Variants in ANKRD33B observed in about 807,000 individuals in gnomAD.
The protein encoded by ANKRD33B is ankyrin repeat domain 33B.
Under a neutral mutation model 21.5 loss-of-function variants are expected in ANKRD33B, and 6 were observed. That is an observed-to-expected ratio of 0.28 (90% CI 0.15 to 0.55). The LOEUF is 0.55. Ranked by LOEUF, ANKRD33B falls within the 20% of genes least tolerant of loss-of-function variation. ANKRD33B has a pLI of 0.94. For missense variants in ANKRD33B, 698 were observed against 747.2 expected, an observed-to-expected ratio of 0.93 and a Z score of 0.77; for synonymous variants, 347 against 342.4, an observed-to-expected ratio of 1.01 and a Z score of -0.15.
chr5:10,634,849 G>C (rs1280965116), intron 2 of ANKRD33B, among the ~76,000 whole-genome samples: 1 of 119,274 alleles, frequency 8.4e-6, no homozygotes, highest in East Asian at 2.0e-4. Flanking sequence ...AGCTCCTTTT[G>C]GTTACTCATC....
At chr5:10,567,720 G>A (rs1301007190) in intron 1 of ANKRD33B, among the ~76,000 whole-genome samples, 1 of 152,204 alleles carries the variant, frequency 6.6e-6, no homozygotes, top group African/African-American at 2.4e-5. Context: ...TGACGTTTGA[G>A]CAGAGACGGC....
chr5:10,564,934 C>T (rs891376111), intron 1 of ANKRD33B, 101 bp downstream of exon 1: 87 of 1,383,826 alleles, frequency 6.3e-5, no homozygotes, highest in Non-Finnish European at 7.7e-5. Flanking sequence ...CCGGACCGGT[C>T]CCTCGGTCAC....
chr5:10,610,409 C>CT (rs1303745083), intron 1 of ANKRD33B, among the ~76,000 whole-genome samples: 1 of 151,998 alleles, frequency 6.6e-6, no homozygotes, highest in African/African-American at 2.4e-5. Flanking sequence ...CAGCCCCCCC[C>CT]CCGAATAAAG....
At chr5:10,633,383 G>A (rs1224479929) in intron 2 of ANKRD33B, among the ~76,000 whole-genome samples, 8 of 152,300 alleles carry the variant, frequency 5.3e-5, no homozygotes, top group South Asian at 2.1e-4. Flanking sequence ...ACAGGCGTGC[G>A]CCACTGCGCC....
chr5:10,631,722 C>T (rs1052432088), intron 2 of ANKRD33B, among the ~76,000 whole-genome samples: 1 of 152,214 alleles, frequency 6.6e-6, no homozygotes, highest in African/African-American at 2.4e-5. Flanking sequence ...CCGTGCCTCT[C>T]CCTGGGACCT....
intron 3 of ANKRD33B, among the ~76,000 whole-genome samples, chr5:10,646,958 CAT>C (rs1250374079): frequency 2.6e-5 from 4 of 152,322 alleles, no homozygotes; most frequent in South Asian, 2.1e-4. Flanking sequence ...TCAGCCATCA[CAT>C]GTCAGACTCC....
intron 2 of ANKRD33B, among the ~76,000 whole-genome samples, chr5:10,637,517 T>G (rs1294908313): frequency 4.0e-5 from 5 of 123,630 alleles, no homozygotes; most frequent in Non-Finnish European, 9.2e-5. Flanking sequence ...GACTCCTGCT[T>G]CTGGGTGGGA....
At chr5:10,598,553 C>G (rs1735865629) in intron 1 of ANKRD33B, among the ~76,000 whole-genome samples, 1 of 152,120 alleles carries the variant, frequency 6.6e-6, no homozygotes, top group African/African-American at 2.4e-5. Flanking sequence ...AGGCGTGAGT[C>G]ACTGTGTCTG....
intron 2 of ANKRD33B, among the ~76,000 whole-genome samples, chr5:10,630,248 C>T (rs1191737638): frequency 3.3e-5 from 5 of 152,188 alleles, no homozygotes; most frequent in African/African-American, 9.7e-5. Context: ...GTGGGCAAGT[C>T]GGGGACCTGT....
intron 2 of ANKRD33B, among the ~76,000 whole-genome samples, chr5:10,634,732 A>G (rs930235978): frequency 6.6e-6 from 1 of 151,542 alleles, no homozygotes; most frequent in Non-Finnish European, 1.5e-5. Context: ...CTGGGATTAC[A>G]GGAGTGAGCC....
chr5:10,639,213 C>T (rs1333838109), intron 3 of ANKRD33B, among the ~76,000 whole-genome samples: 3 of 33,740 alleles, frequency 8.9e-5, no homozygotes, highest in African/African-American at 1.9e-4. Context: ...TGGAGTTGCG[C>T]GGCGATGTTA....
At chr5:10,570,859 T>C (rs1479114158) in intron 1 of ANKRD33B, among the ~76,000 whole-genome samples, 5 of 150,292 alleles carry the variant, frequency 3.3e-5, no homozygotes, top group Non-Finnish European at 7.4e-5. Context: ...ATGCCTGGCC[T>C]CCTTTATTCT....
At chr5:10,565,966 A>G (rs1735043742) in intron 1 of ANKRD33B, among the ~76,000 whole-genome samples, 1 of 152,126 alleles carries the variant, frequency 6.6e-6, no homozygotes, top group Non-Finnish European at 1.5e-5. Flanking sequence ...GGGTGGGGCA[A>G]GTGGTTTGCC....
intron 1 of ANKRD33B, among the ~76,000 whole-genome samples, chr5:10,575,339 T>C (rs1445605595): frequency 6.6e-6 from 1 of 151,436 alleles, no homozygotes; most frequent in Non-Finnish European, 1.5e-5. Flanking sequence ...AGGGGCAGAA[T>C]TGCTTGAACC....
intron 3 of ANKRD33B, among the ~76,000 whole-genome samples, chr5:10,644,805 C>T (rs1377715830): frequency 3.9e-5 from 6 of 152,214 alleles, no homozygotes; most frequent in Non-Finnish European, 1.5e-5. Context: ...TTCTGTGTCA[C>T]CTGCAAAGCA....
At chr5:10,641,475 C>T (rs918734948) in intron 3 of ANKRD33B, among the ~76,000 whole-genome samples, 2 of 151,888 alleles carry the variant, frequency 1.3e-5, no homozygotes, top group African/African-American at 2.4e-5. Flanking sequence ...GTGATCTGCC[C>T]GCCTTAGCCT....
At chr5:10,620,334 A>G (rs1201589800) in intron 2 of ANKRD33B, among the ~76,000 whole-genome samples, 2 of 151,992 alleles carry the variant, frequency 1.3e-5, no homozygotes, top group African/African-American at 4.8e-5. Context: ...AAGAAGATGA[A>G]TGGGAGGAAC....
At chr5:10,603,581 T>C (rs1009645756) in intron 1 of ANKRD33B, among the ~76,000 whole-genome samples, 1 of 152,136 alleles carries the variant, frequency 6.6e-6, no homozygotes, top group Non-Finnish European at 1.5e-5. Flanking sequence ...AAACATTTTG[T>C]ATTTTCTGAT....
intron 1 of ANKRD33B, among the ~76,000 whole-genome samples, chr5:10,580,391 C>G (rs1735418778): frequency 6.6e-6 from 1 of 152,230 alleles, no homozygotes; most frequent in African/African-American, 2.4e-5. Flanking sequence ...TGGGACCTCA[C>G]CCTAGACCCC....
Sources: allele counts gnomAD v4.1 joint callset (sites outside exome capture counted in the v4.1 genomes callset), GRCh38; gene constraint gnomAD v4.1.1; transcripts MANE v1.5; gene names NCBI Gene and HGNC (gene_info 2026-07-23, HGNC 2026-07-21).